Variants in SLMAP observed in about 807,000 individuals in gnomAD.
SLMAP encodes sarcolemma associated protein, also known as sarcolemmal membrane-associated protein.
Under a neutral mutation model 128.8 loss-of-function variants are expected in SLMAP, and 44 were observed. The observed-to-expected ratio is 0.34, with a 90% confidence interval of 0.27 to 0.44. The LOEUF (loss-of-function observed/expected upper bound fraction) is 0.44, where lower values mean the gene tolerates loss of function less well. SLMAP is among the 20% of genes least tolerant of loss of function. The pLI, the probability that SLMAP is intolerant of heterozygous loss-of-function variation, is 1.00. For missense variants in SLMAP, 787 were observed against 985.3 expected, an observed-to-expected ratio of 0.80 and a Z score of 2.69; for synonymous variants, 327 against 348.8, an observed-to-expected ratio of 0.94 and a Z score of 0.70.
chr3:57,799,997 A>C (rs1264768289), intron 2 of SLMAP: 7 of 152,292 alleles, frequency 4.6e-5, no homozygotes, highest in African/African-American at 7.2e-5. Flanking sequence ...TGATTGCACC[A>C]CTGCAATCCA....
In SLMAP at chr3:57,859,145, G is replaced by A. The variant is rs1477191265; in HGVS notation, c.687+986G>A. The stretch of plus-strand genomic sequence containing the variant: ...TCAAAACCAGCGTGGCCAACATGGC[G>A]AAACCCCGTCTCTACTAAAAGTACA... On this transcript the variant is annotated intron_variant, in intron 8 of 24. Coordinates refer to ENST00000671191, the MANE Select transcript of SLMAP (RefSeq NM_001377540.1). Among the ~76,000 whole-genome samples, 5 of 151,892 alleles carry A rather than the reference G, an allele frequency of 3.3e-5. No homozygotes were observed. The East Asian group carries it at 7.7e-4, about 24-fold the overall frequency.
intron 2 of SLMAP, among the ~76,000 whole-genome samples, chr3:57,826,063 C>A (rs1163232002): frequency 2.0e-5 from 3 of 151,998 alleles, no homozygotes; most frequent in Non-Finnish European, 4.4e-5. Flanking sequence ...AAAAATTTTA[C>A]CCTTTTTAAA....
At chr3:57,901,153 T>A (rs181747829) in intron 17 of SLMAP, 2 of 152,376 alleles carry the variant, frequency 1.3e-5, no homozygotes, top group African/African-American at 4.8e-5. Context: ...TCCCATATGG[T>A]TCCCTGCATG....
At chr3:57,844,538 A>G (rs2094145480) in intron 4 of SLMAP, among the ~76,000 whole-genome samples, 1 of 152,064 alleles carries the variant, frequency 6.6e-6, no homozygotes, top group African/African-American at 2.4e-5. Flanking sequence ...GAATATACTT[A>G]TATCCAGGGT....
intron 16 of SLMAP, 25 bp from the exon 17 acceptor site, chr3:57,896,848 A>G (rs2096254871): frequency 3.2e-6 from 5 of 1,581,316 alleles, no homozygotes; most frequent in Non-Finnish European, 4.3e-6. Context: ...CTGTAATTAT[A>G]TATGTATTTT....
chr3:57,853,940 T>TC (rs2094601422), intron 6 of SLMAP, among the ~76,000 whole-genome samples: 1 of 36,524 alleles, frequency 2.7e-5, no homozygotes, highest in Non-Finnish European at 4.5e-5. Context: ...AAATTCTGTC[T>TC]CAAAAAAAAA....
intron 14 of SLMAP, among the ~76,000 whole-genome samples, chr3:57,888,631 G>A (rs2095973970): frequency 6.6e-6 from 1 of 151,762 alleles, no homozygotes; most frequent in Non-Finnish European, 1.5e-5. Flanking sequence ...AAAAAATAGT[G>A]ATTATAGATT....
intron 22 of SLMAP, among the ~76,000 whole-genome samples, chr3:57,919,900 C>A (rs1379767235): frequency 6.6e-6 from 1 of 152,130 alleles, no homozygotes; most frequent in African/African-American, 2.4e-5. Context: ...GGGCCAGAGT[C>A]CTTGCCACCC....
chr3:57,862,638 C>CA (rs752561093), intron 10 of SLMAP, among the ~76,000 whole-genome samples: 19,036 of 96,432 alleles, frequency 0.2, 1,981 homozygotes, highest in East Asian at 0.44. Flanking sequence ...CTTCGTCTCA[C>CA]AAAAAAAAAA....
At chr3:57,848,834 C>G (rs2094396544) in intron 5 of SLMAP, among the ~76,000 whole-genome samples, 1 of 151,856 alleles carries the variant, frequency 6.6e-6, no homozygotes, top group Admixed American at 6.6e-5. Flanking sequence ...CCTGGCCTCC[C>G]AAGTAGCTGG....
In SLMAP at chr3:57,917,253, A is replaced by G. The variant is rs1309582506; in HGVS notation, c.2310+176A>G. The G allele has an allele frequency of 2.7e-6, 4 of 1,458,582 alleles. No homozygotes were observed. In the Admixed American group the frequency reaches 1.0e-4, roughly 37 times the overall value. The allele number at this position is 1,458,582 out of a possible 1,614,324, so 90.4% of individuals were successfully genotyped here. ...TAGCTGCATATCATGGTCCATATGT[A>G]GAGAATTCTTCAGTAGGGTTGGTCT... is the stretch of plus-strand genomic sequence containing the variant. On this transcript the variant is annotated intron_variant, in intron 22 of 24. Coordinates refer to ENST00000671191, the MANE Select transcript of SLMAP (RefSeq NM_001377540.1).
intron 2 of SLMAP, among the ~76,000 whole-genome samples, chr3:57,771,880 A>G (rs2080972691): frequency 6.6e-6 from 1 of 152,260 alleles, no homozygotes; most frequent in South Asian, 2.1e-4. Flanking sequence ...CTGTTAAAGC[A>G]ATAAAATCAG....
chr3:57,759,784 G>C (rs1435514794), intron 2 of SLMAP, among the ~76,000 whole-genome samples: 6 of 152,130 alleles, frequency 3.9e-5, no homozygotes, highest in Non-Finnish European at 1.5e-5. Context: ...TGAAACACTC[G>C]AAGGGGACTC....
Position 57,757,842 on chromosome 3 carries a change from C to T in SLMAP, c.191C>T (p.Thr64Met), listed in dbSNP as rs149291683. The T allele has an allele frequency of 1.8e-4, 285 of 1,613,888 alleles. No individual in the cohort carries two copies. The highest frequency in any genetic ancestry group is 2.3e-4 in the Non-Finnish European group (274 of 1,179,924). ...GCTCTCGTCTGGTTTGATCACAAGA[C>T]GGGCAAGGTAATGTCACCACATTGT... ...NHALVWFDHK[T>M]GKFYLQDTKS... The change falls in exon 2 of 25, where the codon ACG becomes ATG. Residue 64 changes from threonine to methionine, a missense_variant. Transcript: ENST00000671191.
chr3:57,823,879 CTGT>C (rs1410854573), intron 2 of SLMAP, among the ~76,000 whole-genome samples: 1 of 152,172 alleles, frequency 6.6e-6, no homozygotes, highest in Non-Finnish European at 1.5e-5. Context: ...TCTCCAGCAC[CTGT>C]TGTTTCCTGA....
At chr3:57,903,738 A>G (rs1451014273) in intron 17 of SLMAP, among the ~76,000 whole-genome samples, 1 of 152,148 alleles carries the variant, frequency 6.6e-6, no homozygotes, top group African/African-American at 2.4e-5. Context: ...TGTTAAGGAA[A>G]AAACAGATTT....
In SLMAP at chr3:57,786,787, G is replaced by A. The variant is rs189617112; in HGVS notation, c.198+28938G>A. Among the ~76,000 whole-genome samples, 597 of 147,990 alleles carry A rather than the reference G, an allele frequency of 4.0e-3. 3 individuals are homozygous for A. The highest frequency in any genetic ancestry group is 0.014 in the African/African-American group (578 of 39,954). ...CTCGCTCTGTCGCCCAGGCTGGAGT[G>A]CAGTGGTGTGATCTCGGCTCACTGC... is the stretch of plus-strand genomic sequence containing the variant. On this transcript the variant is annotated intron_variant, in intron 2 of 24. Coordinates refer to ENST00000671191, the MANE Select transcript of SLMAP (RefSeq NM_001377540.1).
intron 4 of SLMAP, among the ~76,000 whole-genome samples, chr3:57,843,721 T>A (rs564068785): frequency 7.9e-4 from 119 of 151,192 alleles, no homozygotes; most frequent in African/African-American, 2.8e-3. Context: ...TCTTTCTTTC[T>A]TTTTCTTTCT....
chr3:57,770,451 G>C (rs142196567), intron 2 of SLMAP, among the ~76,000 whole-genome samples: 2 of 152,230 alleles, frequency 1.3e-5, no homozygotes, highest in African/African-American at 4.8e-5. Context: ...GCCTGAAAGA[G>C]AGTGATGTAT....
Sources: gnomAD v4.1 joint callset for allele counts (sites outside exome capture counted in the v4.1 genomes callset) on GRCh38, gnomAD v4.1.1 for gene constraint, MANE v1.5 for transcripts, NCBI Gene and HGNC (gene_info 2026-07-23, HGNC 2026-07-21) for gene names.